HNF4G: variants seen among roughly 807,000 people sequenced by gnomAD.
The protein encoded by HNF4G is hepatocyte nuclear factor 4 gamma, also known as hepatocyte nuclear factor 4-gamma.
A neutral mutation model predicts 50.9 loss-of-function variants in HNF4G; 21 were observed. The observed-to-expected ratio is 0.41, with a 90% CI of 0.29 to 0.59. The LOEUF is 0.59. Ranked by LOEUF, HNF4G falls within the 20% of genes least tolerant of loss-of-function variation. The pLI, the probability that HNF4G is intolerant of heterozygous loss-of-function variation, is 0.26. For synonymous variants in HNF4G, 198 were observed against 185.6 expected, an observed-to-expected ratio of 1.07 and a Z score of -0.54; for missense variants, 527 against 559.4, an observed-to-expected ratio of 0.94 and a Z score of 0.58.
At chr8:75,423,164 T>G (rs999261716) in intron 1 of HNF4G, among the ~76,000 whole-genome samples, 3 of 152,084 alleles carry the variant, frequency 2.0e-5, no homozygotes, top group Admixed American at 2.0e-4. Flanking sequence ...TGGCCTGGAA[T>G]TTTGTTCCCT....
At chr8:75,489,476 C>A (rs1812570483) in intron 1 of HNF4G, among the ~76,000 whole-genome samples, 1 of 152,180 alleles carries the variant, frequency 6.6e-6, no homozygotes, top group Non-Finnish European at 1.5e-5. Flanking sequence ...GAAGAGCCAA[C>A]CTTTTTGACC....
chr8:75,566,355 A>G lies in HNF4G; in HGVS notation c.*2259A>G, dbSNP rs993346644. 1.3e-5 allele frequency: 2 copies of G among 152,266 alleles called. No homozygotes were observed. Among genetic ancestry groups the G allele is most frequent in the African/African-American group, 2.4e-5 (1 of 41,446 alleles). The allele number at this position is 152,266 out of a possible 1,614,324, so 9.4% of individuals were successfully genotyped here. A position where few individuals can be genotyped will look rare whatever the true frequency, so the allele number is the denominator to read the frequency against. On this transcript the variant is annotated 3_prime_UTR_variant, in exon 10 of 10. Coordinates refer to ENST00000396423, the MANE Select transcript of HNF4G (RefSeq NM_004133.5). ...GGTGTCAGCATGTGAATTTTGGAAA[A>G]CACAAAAATTCAGAACATAGCAAAT...
chr8:75,560,915 T>A (rs1370700161), intron 9 of HNF4G, among the ~76,000 whole-genome samples: 1 of 152,210 alleles, frequency 6.6e-6, no homozygotes, highest in African/African-American at 2.4e-5. Context: ...TTTTGTAGAA[T>A]TCAATACAAA....
chr8:75,478,149 A>G (rs1277083712), intron 1 of HNF4G, among the ~76,000 whole-genome samples: 1 of 151,874 alleles, frequency 6.6e-6, no homozygotes, highest in African/African-American at 2.4e-5. Context: ...CCGTATCTAC[A>G]AAAAATTGAA....
Position 75,566,685 on chromosome 8 carries a change from G to A in HNF4G, c.*2589G>A, listed in dbSNP as rs2130827862. 1 of 152,242 alleles carries A rather than the reference G, an allele frequency of 6.6e-6. No homozygotes were observed. The highest frequency in any genetic ancestry group is 1.5e-5 in the Non-Finnish European group (1 of 67,922). The allele number at this position is 152,242 out of a possible 1,614,324, so 9.4% of individuals were successfully genotyped here. On this transcript the variant is annotated 3_prime_UTR_variant, in exon 10 of 10. Coordinates refer to ENST00000396423, the MANE Select transcript of HNF4G (RefSeq NM_004133.5). ...TTGTGAAATAATTCATTTTATAAAT[G>A]TATAATTATTTTTATAAATTTTATT...
At chr8:75,557,451 C>T (rs1585956413) in intron 6 of HNF4G, among the ~76,000 whole-genome samples, 2 of 152,114 alleles carry the variant, frequency 1.3e-5, no homozygotes, top group Admixed American at 1.3e-4. Context: ...GAAACCTCGT[C>T]TCTACTAAAA....
chr8:75,412,567 A>C (rs1270298907), intron 1 of HNF4G, among the ~76,000 whole-genome samples: 1 of 152,206 alleles, frequency 6.6e-6, no homozygotes, highest in African/African-American at 2.4e-5. Context: ...ATCATTATTT[A>C]ATAGTAGGAT....
chr8:75,534,772 C>T (rs1806416540), intron 2 of HNF4G, among the ~76,000 whole-genome samples: 1 of 151,522 alleles, frequency 6.6e-6, no homozygotes. Flanking sequence ...AAAATTGGTT[C>T]CTTGGACTAC....
rs1807011366 is a variant in HNF4G at position 75,553,093 on chromosome 8, G to A, written c.541G>A (p.Ala181Thr). The change falls in exon 5 of 10, where the codon GCA (alanine) becomes ACA (threonine). Residue 181 changes from alanine (A) to threonine (T), a missense_variant. Physicochemically the swap from Ala to Thr is moderately conservative, Grantham distance 58. Transcript: ENST00000396423. ...CACTGACATAAACGTTAAGAAAATTGCAAGTATTGGTGATGTCTGTGAATC... is the reference window on the plus strand; with the variant it reads ...CACTGACATAAACGTTAAGAAAATTACAAGTATTGGTGATGTCTGTGAATC... ...SSTDINVKKI[A>T]SIGDVCESMK... The A allele has an allele frequency of 6.2e-7, 1 of 1,612,378 alleles. No individual in the cohort carries two copies. Among genetic ancestry groups the A allele is most frequent in the Non-Finnish European group, 8.5e-7 (1 of 1,178,970 alleles).
intron 2 of HNF4G, among the ~76,000 whole-genome samples, chr8:75,532,404 G>GTA (rs1806352645): frequency 6.6e-6 from 1 of 151,976 alleles, no homozygotes; most frequent in Non-Finnish European, 1.5e-5. Flanking sequence ...TCTAGATTAA[G>GTA]GGAAATGATC....
intron 1 of HNF4G, among the ~76,000 whole-genome samples, chr8:75,459,940 T>C (rs1811805824): frequency 6.6e-6 from 1 of 152,296 alleles, no homozygotes; most frequent in Non-Finnish European, 1.5e-5. Context: ...TTTTCCTTAG[T>C]TATATTTTAT....
intron 1 of HNF4G, among the ~76,000 whole-genome samples, chr8:75,433,837 A>G (rs1811072896): frequency 6.6e-6 from 1 of 152,176 alleles, no homozygotes; most frequent in African/African-American, 2.4e-5. Context: ...TTGACCAGCC[A>G]AAAAACAGTA....
chr8:75,443,700 T>C (rs1048093921), intron 1 of HNF4G, among the ~76,000 whole-genome samples: 1 of 152,192 alleles, frequency 6.6e-6, no homozygotes, highest in African/African-American at 2.4e-5. Flanking sequence ...ACATGTGATA[T>C]ATATGGCATG....
chr8:75,537,568 C>G (rs1196263212), upstream of HNF4G, among the ~76,000 whole-genome samples: 1 of 151,272 alleles, frequency 6.6e-6, no homozygotes, highest in African/African-American at 2.4e-5. Flanking sequence ...TTTTCCTCCA[C>G]TATAAAAACC....
At chr8:75,493,876 T>TG in intron 2 of HNF4G, among the ~76,000 whole-genome samples, 1 of 152,198 alleles carries the variant, frequency 6.6e-6, no homozygotes, top group East Asian at 1.9e-4. Flanking sequence ...CCCAAGCAAT[T>TG]GGGGGTACAT....
chr8:75,450,663 T>C (rs1237286881), intron 1 of HNF4G, among the ~76,000 whole-genome samples: 1 of 152,154 alleles, frequency 6.6e-6, no homozygotes, highest in Admixed American at 6.5e-5. Flanking sequence ...CTCACTGTGG[T>C]TTTAATTTGC....
intron 1 of HNF4G, among the ~76,000 whole-genome samples, chr8:75,473,624 G>T (rs540278592): frequency 6.6e-6 from 1 of 152,088 alleles, no homozygotes; most frequent in African/African-American, 2.4e-5. Context: ...AGAATTACAG[G>T]GACTCCACTT....
intron 2 of HNF4G, among the ~76,000 whole-genome samples, chr8:75,498,535 A>C: frequency 6.6e-6 from 1 of 152,256 alleles, no homozygotes; most frequent in South Asian, 2.1e-4. Context: ...AAAAGAAGGA[A>C]ACACAACTTA....
intron 1 of HNF4G, among the ~76,000 whole-genome samples, chr8:75,482,276 T>C (rs972068021): frequency 8.5e-5 from 13 of 152,152 alleles, no homozygotes; most frequent in Non-Finnish European, 1.3e-4. Context: ...TCTGGAAATT[T>C]GGGAGGATTT....
Sources: gnomAD v4.1 joint callset for allele counts (sites outside exome capture counted in the v4.1 genomes callset) on GRCh38, gnomAD v4.1.1 for gene constraint, MANE v1.5 for transcripts, NCBI Gene and HGNC (gene_info 2026-07-23, HGNC 2026-07-21) for gene names.